The following PLXND1 variants were observed in gnomAD, a reference collection of about 807,000 sequenced individuals.
PLXND1 encodes the protein plexin-D1.
In PLXND1, 54 loss-of-function variants were observed where a neutral mutation model predicts 197.7. That is an observed-to-expected ratio of 0.27 (90% CI 0.22 to 0.34). The LOEUF (loss-of-function observed/expected upper bound fraction) is 0.34, where lower values mean the gene tolerates loss of function less well. Among genes scored for constraint, PLXND1 ranks in the 10% least tolerant of loss-of-function variants. The pLI is 1.00. For synonymous variants in PLXND1, 1,180 were observed against 1,161.2 expected, an observed-to-expected ratio of 1.02 and a Z score of -0.33; for missense variants, 2,127 against 2,699.2, an observed-to-expected ratio of 0.79 and a Z score of 4.70.
rs555146178 is a variant in PLXND1 at position 129,557,731 on chromosome 3, C to T, written c.5446-508G>A. On this transcript the variant is annotated intron_variant, in intron 33 of 35. Coordinates refer to ENST00000324093, the MANE Select transcript of PLXND1 (RefSeq NM_015103.3). The surrounding 1 kb of genome is among the most constrained non-coding windows in gnomAD (Gnocchi z 4.8). ...AGGCAGTACGTGAGTAGTAGTGGAG[C>T]GATGGCATTTTCTCCTTCCCGTGGT... 1.7e-4 allele frequency among the ~76,000 whole-genome samples: 26 copies of T among 152,294 alleles called. No individual in the cohort carries two copies. The South Asian group carries it at 2.1e-3, about 12-fold the overall frequency.
At chr3:129,601,127 A>C (rs557179491) in intron 1 of PLXND1, among the ~76,000 whole-genome samples, 6 of 152,290 alleles carry the variant, frequency 3.9e-5, no homozygotes, top group African/African-American at 1.4e-4. Flanking sequence ...CTTGCACTCC[A>C]AACAGGTTGT....
Position 129,574,384 on chromosome 3 carries a change from C to G in PLXND1, c.2637G>C (p.Gly879=), listed in dbSNP as rs759334209. ...CMWSDGCRLR[G]PLQPMAGTCP... Reference sequence around the variant, plus strand: ...AGGTGCCAGCCATGGGCTGCAGAGGCCCCCGCAGGCGGCAGCCATCACTCC... The same window carrying G: ...AGGTGCCAGCCATGGGCTGCAGAGGGCCCCGCAGGCGGCAGCCATCACTCC... The change falls in exon 12 of 36, where the codon GGG becomes GGC. Residue 879 remains glycine, a synonymous_variant. Coordinates refer to ENST00000324093, the MANE Select transcript of PLXND1 (RefSeq NM_015103.3). 2 of 1,610,848 alleles carry G rather than the reference C, an allele frequency of 1.2e-6. No individual in the cohort carries two copies. The highest frequency in any genetic ancestry group is 1.7e-6 in the Non-Finnish European group (2 of 1,178,836).
intron 8 of PLXND1, among the ~76,000 whole-genome samples, chr3:129,581,711 G>A (rs1474779996): frequency 6.6e-6 from 1 of 152,216 alleles, no homozygotes; most frequent in Non-Finnish European, 1.5e-5. Context: ...TACAGCCACA[G>A]CTCACACCTG....
rs192141761 is a variant in PLXND1 at position 129,591,611 on chromosome 3, G to C, written c.1312-2084C>G. On this transcript the variant is annotated intron_variant, in intron 1 of 35. Coordinates refer to ENST00000324093, the MANE Select transcript of PLXND1 (RefSeq NM_015103.3). ...CACAGTAAGTGTCCAGGAAGTGTTAGCCGATACTATTGTGTTTCAGACATG... is the reference window on the plus strand; with the variant it reads ...CACAGTAAGTGTCCAGGAAGTGTTACCCGATACTATTGTGTTTCAGACATG... The C allele has an allele frequency of 3.9e-5, 6 of 152,334 alleles. No individual in the cohort carries two copies. In the East Asian group the frequency reaches 1.2e-3, roughly 29 times the overall value. 9.4% of individuals were successfully genotyped at this position (152,334 alleles called of 1,614,324 possible).
intron 9 of PLXND1, 28 bp from the exon 10 acceptor site, chr3:129,575,883 G>C: frequency 7.0e-7 from 1 of 1,429,732 alleles, no homozygotes; most frequent in South Asian, 1.2e-5. Context: ...TGGGAGGCGG[G>C]TTTGAGGAGA....
At chr3:129,598,517 A>G (rs1034229435) in intron 1 of PLXND1, among the ~76,000 whole-genome samples, 2 of 151,998 alleles carry the variant, frequency 1.3e-5, no homozygotes, top group East Asian at 3.9e-4. Context: ...GTGGGTGGAG[A>G]CAGCTACAGG....
intron 10 of PLXND1, 25 bp downstream of exon 10, chr3:129,575,741 C>T: frequency 6.5e-7 from 1 of 1,541,900 alleles, no homozygotes; most frequent in Non-Finnish European, 9.0e-7. Context: ...CCGCCCTCCG[C>T]CCATGCTGGA....
rs781517992 is a variant in PLXND1 at position 129,571,277 on chromosome 3, G to A, written c.3363C>T (p.Leu1121=). The A allele has an allele frequency of 2.5e-6, 4 of 1,613,512 alleles. No homozygotes were observed. In the Admixed American group the frequency reaches 5.0e-5, roughly 20 times the overall value. ...PTLCKVLNST[L]ITCPSPGALS... ...GGGCCCCGGGGGACGGGCAGGTGAT[G>A]AGGGTGGAGTTGAGAACCTTGCAGA... is the stretch of plus-strand genomic sequence containing the variant. The change falls in exon 18 of 36, where the codon CTC becomes CTT. Residue 1121 remains leucine (L), a synonymous_variant. Transcript: ENST00000324093.
rs1288938166 is a variant in PLXND1 at position 129,557,107 on chromosome 3, A to G, written c.5562T>C (p.Asn1854=). ...CCCTCGACTCCTCGGCCAGATGGGC[A>G]TTCATCTCTTGCTCGCTGAGCGGCG... ...DMTPLSEQEM[N]AHLAEESRKY... The change falls in exon 34 of 36, where the codon AAT becomes AAC. Residue 1854 remains asparagine (N), a synonymous_variant. Coordinates refer to ENST00000324093, the MANE Select transcript of PLXND1 (RefSeq NM_015103.3). This position sits in a 1 kb window ranked among gnomAD's most constrained non-coding sequence, Gnocchi z 4.8. 6.2e-7 allele frequency: 1 copy of G among 1,612,788 alleles called. No homozygotes were observed. Among genetic ancestry groups the G allele is most frequent in the East Asian group, 2.2e-5 (1 of 44,830 alleles).
intron 2 of PLXND1, among the ~76,000 whole-genome samples, chr3:129,587,181 G>A (rs532334495): frequency 7.9e-5 from 12 of 152,344 alleles, no homozygotes; most frequent in African/African-American, 2.4e-4. Flanking sequence ...GATGGGGTCA[G>A]GCCCGGGGAA....
intron 29 of PLXND1, 74 bp from the exon 30 acceptor site, chr3:129,560,797 G>C: frequency 1.1e-6 from 1 of 913,146 alleles, no homozygotes; most frequent in Non-Finnish European, 1.8e-6. Context: ...CAGAAAGATG[G>C]AGTGAGAAAC....
Position 129,605,460 on chromosome 3 carries a change from C to A in PLXND1, c.1180G>T (p.Ala394Ser). ...APAALCAFRF[A>S]DVRAAIRAAR... ...GCTCGGATGGCGGCTCGCACGTCGG[C>A]GAAGCGGAAGGCGCAGAGTGCGGCC... Residue 394 changes from alanine (A) to serine (S), a missense_variant, in exon 1 of 36, where the codon GCC becomes TCC. Transcript: ENST00000324093. 1 of 1,501,502 alleles carries A rather than the reference C, an allele frequency of 6.7e-7. No homozygotes were observed. Among genetic ancestry groups the A allele is most frequent in the Non-Finnish European group, 8.8e-7 (1 of 1,132,566 alleles). The allele number at this position is 1,501,502 out of a possible 1,614,324, so 93.0% of individuals were successfully genotyped here.
chr3:129,565,718 C>T (rs891976929), intron 24 of PLXND1, among the ~76,000 whole-genome samples, 169 bp downstream of exon 24: 1 of 152,150 alleles, frequency 6.6e-6, no homozygotes, highest in Non-Finnish European at 1.5e-5. Flanking sequence ...CTTCTACGTC[C>T]ACAGCAACCA....
At chr3:129,568,219 G>T (rs955325245) in intron 20 of PLXND1, among the ~76,000 whole-genome samples, 1 of 152,136 alleles carries the variant, frequency 6.6e-6, no homozygotes, top group Non-Finnish European at 1.5e-5. Context: ...CTTCTACAAT[G>T]ACCAGGTGTT....
chr3:129,597,039 T>C (rs987969943), intron 1 of PLXND1, among the ~76,000 whole-genome samples: 8 of 152,270 alleles, frequency 5.3e-5, no homozygotes, highest in Admixed American at 1.3e-4. Context: ...AGCAGCTGTG[T>C]GCAGTCTGCT....
At chr3:129,564,727 C>T (rs1230529363) in intron 25 of PLXND1, among the ~76,000 whole-genome samples, 5 of 152,252 alleles carry the variant, frequency 3.3e-5, no homozygotes, top group Admixed American at 2.0e-4. Context: ...CCTCCGCTCT[C>T]ATCCAGAAGA....
chr3:129,578,921 C>T (rs1393609952), intron 8 of PLXND1, among the ~76,000 whole-genome samples: 1 of 152,208 alleles, frequency 6.6e-6, no homozygotes, highest in Non-Finnish European at 1.5e-5. Flanking sequence ...ATAGGAAAGG[C>T]ACAGGGAGGG....
At chr3:129,564,908 C>T (rs960482186) in intron 25 of PLXND1, among the ~76,000 whole-genome samples, 15 of 152,234 alleles carry the variant, frequency 9.9e-5, no homozygotes, top group Non-Finnish European at 4.4e-5. Context: ...AGCCTTCAGA[C>T]AGAGGGAGGC....
At chr3:129,588,775 T>C (rs977786526) in intron 2 of PLXND1, among the ~76,000 whole-genome samples, 4 of 152,208 alleles carry the variant, frequency 2.6e-5, no homozygotes, top group African/African-American at 9.7e-5. Context: ...ATGTCTGTCC[T>C]GCCCCAGAGC....
Sources: allele counts gnomAD v4.1 joint callset (sites outside exome capture counted in the v4.1 genomes callset), GRCh38; gene constraint gnomAD v4.1.1; non-coding constraint Gnocchi (gnomAD v3.1); transcripts MANE v1.5; gene names NCBI Gene and HGNC (gene_info 2026-07-23, HGNC 2026-07-21).